RALYL: variants seen among roughly 807,000 people sequenced by gnomAD.
RALYL encodes the protein RNA-binding Raly-like protein.
In RALYL, 29 loss-of-function variants were observed where a neutral mutation model predicts 35.1. That is an observed-to-expected ratio of 0.83 (90% CI 0.61 to 1.13). The LOEUF is 1.13. Among genes scored for constraint, RALYL ranks in the 50% most tolerant of loss-of-function variants. The pLI is 0.00. For synonymous variants in RALYL, 120 were observed against 127.6 expected (o/e 0.94, Z 0.40); for missense variants, 359 against 360.4 (o/e 1.00, Z 0.03).
At chr8:84,882,122 G>T (rs1044772005) in intron 7 of RALYL, among the ~76,000 whole-genome samples, 1 of 151,912 alleles carries the variant, frequency 6.6e-6, no homozygotes, top group African/African-American at 2.4e-5. Flanking sequence ...GTTTCTTTTT[G>T]TAATCCATAA....
intron 2 of RALYL, among the ~76,000 whole-genome samples, chr8:84,722,238 A>G (rs1402808585): frequency 6.6e-6 from 1 of 152,114 alleles, no homozygotes; most frequent in African/African-American, 2.4e-5. Flanking sequence ...GAGATTTCCA[A>G]AAATTTTTAC....
intron 1 of RALYL, among the ~76,000 whole-genome samples, chr8:84,221,458 G>A (rs955966271): frequency 1.1e-4 from 16 of 152,022 alleles, no homozygotes; most frequent in African/African-American, 2.2e-4. Flanking sequence ...AGTTAACTGT[G>A]TAAGCTCTGG....
chr8:84,599,610 A>G lies in RALYL; in HGVS notation c.256+70033A>G, dbSNP rs181553658. Among the ~76,000 whole-genome samples the G allele has an allele frequency of 1.6e-3, 250 of 152,134 alleles. 1 individual carries two copies. Among genetic ancestry groups the G allele is most frequent in the African/African-American group, 5.7e-3 (235 of 41,550 alleles). On this transcript the variant is annotated intron_variant, in intron 2 of 8. Transcript: ENST00000521268. ...CTACCATGGTTAAAACCTACTGTTAATTATTGAGATATTCAAAGGATTTAC... is the reference window on the plus strand; with the variant it reads ...CTACCATGGTTAAAACCTACTGTTAGTTATTGAGATATTCAAAGGATTTAC...
intron 2 of RALYL, among the ~76,000 whole-genome samples, chr8:84,587,402 GT>G (rs1485440288): frequency 6.6e-6 from 1 of 152,174 alleles, no homozygotes; most frequent in Non-Finnish European, 1.5e-5. Flanking sequence ...TTCAAAATAT[GT>G]TTTCCAAATT....
At chr8:84,577,495 T>C (rs1437101226) in intron 2 of RALYL, among the ~76,000 whole-genome samples, 1 of 152,210 alleles carries the variant, frequency 6.6e-6, no homozygotes. Flanking sequence ...CTAAAATATA[T>C]ACAGATTTAA....
chr8:84,346,777 T>C (rs1306270592), intron 1 of RALYL, among the ~76,000 whole-genome samples: 2 of 152,126 alleles, frequency 1.3e-5, no homozygotes, highest in African/African-American at 4.8e-5. Flanking sequence ...GCCAGAATAT[T>C]GATTTTATTG....
In RALYL at chr8:84,306,244, A is replaced by G. The variant is rs537394718; in HGVS notation, c.-24+121820A>G. Among the ~76,000 whole-genome samples the G allele has an allele frequency of 4.6e-5, 7 of 152,086 alleles. No homozygotes were observed. The East Asian group carries it at 1.4e-3, about 29-fold the overall frequency. The stretch of plus-strand genomic sequence containing the variant: ...TGTTCAAAATAAGTCTCAGGTACCT[A>G]TGACTATAACAAATTGGGTTCTTAG... On this transcript the variant is annotated intron_variant, in intron 1 of 8. Transcript: ENST00000521268.
chr8:84,570,237 G>A, intron 2 of RALYL, among the ~76,000 whole-genome samples: 1 of 151,366 alleles, frequency 6.6e-6, no homozygotes, highest in East Asian at 1.9e-4. Context: ...TTTTTTATTT[G>A]TTTGTGTCAT....
intron 2 of RALYL, among the ~76,000 whole-genome samples, chr8:84,542,681 A>G (rs2135278385): frequency 6.6e-6 from 1 of 152,222 alleles, no homozygotes; most frequent in East Asian, 1.9e-4. Flanking sequence ...GCCCTGAGGA[A>G]CTGTGAATGA....
At chr8:84,733,837 C>T (rs1846706655) in intron 2 of RALYL, among the ~76,000 whole-genome samples, 1 of 152,160 alleles carries the variant, frequency 6.6e-6, no homozygotes, top group Non-Finnish European at 1.5e-5. Flanking sequence ...CCTGACCCAT[C>T]ACTATCAGCC....
chr8:84,871,563 T>A (rs540555534), intron 6 of RALYL, among the ~76,000 whole-genome samples: 189 of 152,312 alleles, frequency 1.2e-3, no homozygotes, highest in Middle Eastern at 6.8e-3. Flanking sequence ...TTTGCAATTG[T>A]GACAGATGAT....
rs769845435 is a variant in RALYL at position 84,403,524 on chromosome 8, GTTTTTTTT to G, written c.-23-125752_-23-125745del. On this transcript the variant is annotated intron_variant, in intron 1 of 8. Coordinates refer to ENST00000521268, the MANE Select transcript of RALYL (RefSeq NM_173848.7). ...TTCTGTTCCATTGGTCTATATCTCT[GTTTTTTTT>G]TTTTTTTTTTTTTTTTTTTTTTAAC... is the stretch of plus-strand genomic sequence containing the variant. Among the ~76,000 whole-genome samples the G allele has an allele frequency of 2.8e-4, 11 of 39,482 alleles. 1 individual carries two copies. The South Asian group carries it at 8.8e-3, about 32-fold the overall frequency. The allele number at this position is 39,482 out of a possible 152,430, so 25.9% of individuals were successfully genotyped here.
At chr8:84,395,615 G>A (rs58428339) in intron 1 of RALYL, among the ~76,000 whole-genome samples, 4,528 of 151,716 alleles carry the variant, frequency 0.03, 220 homozygotes, top group African/African-American at 0.1. Flanking sequence ...AATAACATTT[G>A]GCACATTACG....
At chr8:84,507,132 C>T (rs1447431516) in intron 1 of RALYL, among the ~76,000 whole-genome samples, 3 of 151,958 alleles carry the variant, frequency 2.0e-5, no homozygotes, top group Non-Finnish European at 4.4e-5. Context: ...TTTCCTGCCC[C>T]ATCTCCTTTT....
At chr8:84,370,217 A>G (rs1274821789) in intron 1 of RALYL, among the ~76,000 whole-genome samples, 1 of 152,098 alleles carries the variant, frequency 6.6e-6, no homozygotes, top group Non-Finnish European at 1.5e-5. Flanking sequence ...AAAAGACAAT[A>G]AATATTTAGT....
intron 2 of RALYL, among the ~76,000 whole-genome samples, chr8:84,725,787 A>G (rs1844838976): frequency 6.6e-6 from 1 of 151,730 alleles, no homozygotes. Flanking sequence ...TTTCATAAAC[A>G]TTAGAAAAGA....
chr8:84,390,103 A>ATG (rs760173422), intron 1 of RALYL, among the ~76,000 whole-genome samples: 4,241 of 150,884 alleles, frequency 0.028, 187 homozygotes, highest in African/African-American at 0.097. Context: ...TGAGATAATC[A>ATG]TGGTTTTTGT....
chr8:84,318,602 C>A (rs1414591779), intron 1 of RALYL, among the ~76,000 whole-genome samples: 1 of 151,820 alleles, frequency 6.6e-6, no homozygotes, highest in Admixed American at 6.6e-5. Context: ...TTTCTTTTTC[C>A]TTCTTGTTAT....
At chr8:84,455,623 C>A (rs1353427886) in intron 1 of RALYL, among the ~76,000 whole-genome samples, 1 of 151,996 alleles carries the variant, frequency 6.6e-6, no homozygotes, top group Non-Finnish European at 1.5e-5. Flanking sequence ...TAATAGAAGA[C>A]AAAGTCAATC....
Sources: gnomAD v4.1 joint callset for allele counts (sites outside exome capture counted in the v4.1 genomes callset) on GRCh38, gnomAD v4.1.1 for gene constraint, MANE v1.5 for transcripts, NCBI Gene and HGNC (gene_info 2026-07-23, HGNC 2026-07-21) for gene names.